SEMA4D: variants seen among roughly 807,000 people sequenced by gnomAD.
SEMA4D encodes the protein semaphorin 4D.
SEMA4D carries 22 observed loss-of-function variants against 74.8 expected under a neutral mutation model. The ratio of observed to expected loss-of-function variants is 0.29; its 90% CI spans 0.21 to 0.42. The LOEUF is 0.42. Among genes scored for constraint, SEMA4D ranks in the 10% least tolerant of loss-of-function variants. The probability of loss-of-function intolerance (pLI) is 1.00; values close to 1 mark genes in which losing one functional copy is unlikely to be tolerated. For missense variants in SEMA4D, 937 were observed against 1,118.4 expected (o/e 0.84, Z 2.31); for synonymous variants, 445 against 463.7 (o/e 0.96, Z 0.52).
At chr9:89,406,142 T>C (rs1490853898) in intron 2 of SEMA4D, among the ~76,000 whole-genome samples, 1 of 152,216 alleles carries the variant, frequency 6.6e-6, no homozygotes, top group Non-Finnish European at 1.5e-5. Flanking sequence ...AACCAGAGGC[T>C]GCAGAGAGAG....
chr9:89,385,999 G>A (rs1564564135), intron 13 of SEMA4D: 1 of 985,202 alleles, frequency 1.0e-6, no homozygotes, highest in Non-Finnish European at 1.2e-6. Flanking sequence ...TGACGAGTCA[G>A]CTGTATCACT....
chr9:89,405,921 G>C, intron 2 of SEMA4D: 2 of 1,183,608 alleles, frequency 1.7e-6, no homozygotes, highest in Non-Finnish European at 2.1e-6. Flanking sequence ...CGCTCCTCCA[G>C]CTACCAGCCC....
chr9:89,438,973 T>A (rs1851097320), intron 2 of SEMA4D, among the ~76,000 whole-genome samples: 2 of 80,322 alleles, frequency 2.5e-5, no homozygotes, highest in African/African-American at 9.9e-5. Flanking sequence ...CCTTTTTTTT[T>A]TTTTTTTTTT....
At chr9:89,442,143 C>T (rs1253439015) in intron 2 of SEMA4D, among the ~76,000 whole-genome samples, 1 of 132,016 alleles carries the variant, frequency 7.6e-6, no homozygotes. Context: ...CCCTTTTCCC[C>T]TGGCCCAGGA....
At chr9:89,404,288 G>A (rs1218892705) in intron 3 of SEMA4D, among the ~76,000 whole-genome samples, 2 of 152,242 alleles carry the variant, frequency 1.3e-5, no homozygotes, top group Admixed American at 6.5e-5. Context: ...AGTGGGGCGG[G>A]TGCTTTGGCA....
intron 1 of SEMA4D, among the ~76,000 whole-genome samples, chr9:89,495,341 C>T (rs948584110): frequency 5.3e-4 from 80 of 152,312 alleles, no homozygotes; most frequent in African/African-American, 1.9e-3. Context: ...TTAACTAGTG[C>T]ACCTAAAACA....
At chr9:89,428,190 C>A (rs184402290) in intron 2 of SEMA4D, among the ~76,000 whole-genome samples, 47 of 152,296 alleles carry the variant, frequency 3.1e-4, no homozygotes, top group Non-Finnish European at 1.3e-4. Flanking sequence ...CTGAACAATT[C>A]CCTGGGCAGG....
intron 6 of SEMA4D, among the ~76,000 whole-genome samples, chr9:89,396,182 G>A (rs1347108563): frequency 6.6e-6 from 1 of 152,104 alleles, no homozygotes; most frequent in Non-Finnish European, 1.5e-5. Context: ...GTGGACCCAG[G>A]AGTGGTTCAG....
At chr9:89,377,126 G>C (rs1835915675), downstream of SEMA4D, 8 of 1,461,034 alleles carry the variant, frequency 5.5e-6, no homozygotes, top group African/African-American at 1.4e-5. Context: ...GGCCAGAGAG[G>C]GCAAAACACA....
intron 11 of SEMA4D, 53 bp downstream of exon 11, chr9:89,388,583 A>G (rs898057831): frequency 1.9e-6 from 3 of 1,559,874 alleles, no homozygotes. Context: ...ACTGGATTCC[A>G]TGCCCTGGGC....
intron 3 of SEMA4D, among the ~76,000 whole-genome samples, chr9:89,405,076 G>C (rs1397603399): frequency 9.0e-6 from 1 of 111,556 alleles, no homozygotes; most frequent in East Asian, 3.1e-4. Context: ...TCCCCATCCT[G>C]TCCCCAGCCA....
At position 89,383,304 on chromosome 9, in the gene SEMA4D, A is replaced by C. The variant is rs569696271; in HGVS notation, c.1447-1958T>G. On this transcript the variant is annotated intron_variant, in intron 13 of 15. Coordinates refer to ENST00000422704, the MANE Select transcript of SEMA4D (RefSeq NM_001371194.2). ...CCCAGTGTGGACTACATGCCCCGAC[A>C]CACTCGACATGGAAAAAGACGGTGG... 1.4e-3 allele frequency among the ~76,000 whole-genome samples: 212 copies of C among 152,310 alleles called. 1 individual carries two copies. Among genetic ancestry groups the C allele is most frequent in the African/African-American group, 4.9e-3 (203 of 41,566 alleles).
chr9:89,413,814 GCA>G (rs1207702713), intron 2 of SEMA4D, among the ~76,000 whole-genome samples: 1 of 152,248 alleles, frequency 6.6e-6, no homozygotes, highest in African/African-American at 2.4e-5. Flanking sequence ...ATGTATGTGT[GCA>G]CAGCTATATG....
At chr9:89,494,302 C>T (rs1447601919) in intron 1 of SEMA4D, among the ~76,000 whole-genome samples, 1 of 152,204 alleles carries the variant, frequency 6.6e-6, no homozygotes, top group Non-Finnish European at 1.5e-5. Context: ...CTCTCCTCCC[C>T]CAACACACAC....
At chr9:89,437,546 G>A (rs1041527398) in intron 2 of SEMA4D, among the ~76,000 whole-genome samples, 15 of 152,162 alleles carry the variant, frequency 9.9e-5, no homozygotes, top group African/African-American at 1.4e-4. Flanking sequence ...CCACTGCTGC[G>A]GTGCGCCCTG....
intron 2 of SEMA4D, among the ~76,000 whole-genome samples, chr9:89,453,116 C>G (rs1330386613): frequency 1.3e-5 from 2 of 152,180 alleles, no homozygotes; most frequent in Non-Finnish European, 2.9e-5. Flanking sequence ...AAAAATAAAG[C>G]CCAGCTCCTA....
chr9:89,385,182 C>G, intron 13 of SEMA4D: 1 of 914,764 alleles, frequency 1.1e-6, no homozygotes, highest in Non-Finnish European at 1.3e-6. Context: ...TTCCTACCCC[C>G]TTCTGCCTTT....
At chr9:89,405,903 G>A in intron 2 of SEMA4D, 1 of 1,205,418 alleles carries the variant, frequency 8.3e-7, no homozygotes, top group Non-Finnish European at 1.0e-6. Flanking sequence ...TCAGGAGTCA[G>A]TGCTTCCCGC....
At chr9:89,363,086 C>T (rs893961381) in intron 18 of SEMA4D, among the ~76,000 whole-genome samples, 2 of 152,184 alleles carry the variant, frequency 1.3e-5, no homozygotes, top group Non-Finnish European at 2.9e-5. Context: ...GTTTCCTGCC[C>T]TCCTCAAAGG....
Sources: gnomAD v4.1 joint callset for allele counts (sites outside exome capture counted in the v4.1 genomes callset) on GRCh38, gnomAD v4.1.1 for gene constraint, MANE v1.5 for transcripts, NCBI Gene and HGNC (gene_info 2026-07-23, HGNC 2026-07-21) for gene names.